Variants in RGS8 observed in about 807,000 individuals in gnomAD.
RGS8 encodes the protein regulator of G protein signaling 8.
Under a neutral mutation model 21.7 loss-of-function variants are expected in RGS8, and 8 were observed. That is an observed-to-expected ratio of 0.37 (90% confidence interval 0.22 to 0.66). RGS8 has a LOEUF of 0.66. RGS8 is among the 30% of genes least tolerant of loss of function. RGS8 has a pLI of 0.59. For missense variants in RGS8, 157 were observed against 217.9 expected, an observed-to-expected ratio of 0.72 and a Z score of 1.76; for synonymous variants, 80 against 83.6, an observed-to-expected ratio of 0.96 and a Z score of 0.24.
chr1:182,665,914 T>C (rs1663834767), intron 5 of RGS8, 55 bp downstream of exon 6: 2 of 1,485,218 alleles, frequency 1.3e-6, no homozygotes, highest in Non-Finnish European at 1.9e-6. Context: ...CTTTGGTACA[T>C]CTCTCACTAA....
At chr1:182,692,480 A>T in the RGS8 span, among the ~76,000 whole-genome samples, 1 of 152,052 alleles carries the variant, frequency 6.6e-6, no homozygotes, top group East Asian at 1.9e-4. Context: ...TAGATGATAC[A>T]AACAAATGGA....
chr1:182,737,388 C>A, the RGS8 span, among the ~76,000 whole-genome samples: 2 of 152,150 alleles, frequency 1.3e-5, no homozygotes, highest in African/African-American at 4.8e-5. Flanking sequence ...TGTGTCCCCA[C>A]CGAAATCTCA....
At position 182,671,810 on chromosome 1, in the gene RGS8, A is replaced by G; in HGVS notation, c.-178+39T>C. ...CATGTGTGCATGAACACATAGGGGC[A>G]CACACACACATATACACACACAGGC... On this transcript the variant is annotated intron_variant, in intron 1 of 6. Transcript: ENST00000483095. 3.2e-6 allele frequency: 5 copies of G among 1,577,414 alleles called. No homozygotes were observed. The South Asian group carries it at 3.4e-5, about 11-fold the overall frequency.
chr1:182,739,323 C>G, the RGS8 span, among the ~76,000 whole-genome samples: 1 of 152,136 alleles, frequency 6.6e-6, no homozygotes, highest in Admixed American at 6.5e-5. Context: ...CTTCGCACAG[C>G]CTGATAAGAC....
chr1:182,646,953 T>C (rs755392996), intron 6 of RGS8, 36 bp from the exon 8 acceptor site: 12 of 1,574,722 alleles, frequency 7.6e-6, no homozygotes, highest in Non-Finnish European at 9.5e-6. Context: ...TCACAGGCCC[T>C]CAAGGGCCAA....
chr1:182,697,872 G>A, the RGS8 span, among the ~76,000 whole-genome samples: 11 of 152,160 alleles, frequency 7.2e-5, no homozygotes, highest in East Asian at 7.7e-4. Flanking sequence ...ACCACTCTTC[G>A]TTGCAAATGC....
At chr1:182,727,780 T>G in the RGS8 span, among the ~76,000 whole-genome samples, 3 of 152,284 alleles carry the variant, frequency 2.0e-5, no homozygotes, top group South Asian at 6.2e-4. Context: ...TCATTATGCA[T>G]ATTAATCTGC....
the RGS8 span, among the ~76,000 whole-genome samples, chr1:182,716,450 A>T: frequency 2.1e-4 from 32 of 151,350 alleles, no homozygotes; most frequent in African/African-American, 5.1e-4. Flanking sequence ...TATTATTTTC[A>T]TTATTGTATT....
At chr1:182,680,554 C>T (rs1287736776) in intron 1 of RGS8, among the ~76,000 whole-genome samples, 1 of 152,116 alleles carries the variant, frequency 6.6e-6, no homozygotes, top group East Asian at 1.9e-4. Context: ...CAGCACCTGG[C>T]ATAGCTAGGT....
exon 7 of RGS8, chr1:182,646,621 C>A (rs192303137): frequency 2.1e-6 from 2 of 971,584 alleles, no homozygotes. Flanking sequence ...CACCCCCAGC[C>A]TCCCACCCCC....
At chr1:182,720,976 C>CACACATATATGTGTGT in the RGS8 span, among the ~76,000 whole-genome samples, 1 of 68,794 alleles carries the variant, frequency 1.5e-5, no homozygotes, top group African/African-American at 6.7e-5. Context: ...TGTATATATA[C>CACACATATATGTGTGT]ATATATACAC....
chr1:182,713,710 T>A, the RGS8 span, among the ~76,000 whole-genome samples: 1 of 152,174 alleles, frequency 6.6e-6, no homozygotes, highest in African/African-American at 2.4e-5. Flanking sequence ...TAGCAATTGT[T>A]TAAATGCTCA....
At chr1:182,672,319 A>G (rs115131184), upstream of RGS8, 4,053 of 179,860 alleles carry the variant, frequency 0.023, 89 homozygotes, top group African/African-American at 0.051. Context: ...AGCCAGGAGG[A>G]GGGGGGCTGT....
the RGS8 span, among the ~76,000 whole-genome samples, chr1:182,745,070 C>A: frequency 1.3e-5 from 2 of 152,224 alleles, no homozygotes; most frequent in Admixed American, 6.5e-5. Flanking sequence ...AAATCCAATT[C>A]TTTGCCACAC....
At chr1:182,669,354 C>T (rs1240907906) in intron 3 of RGS8, among the ~76,000 whole-genome samples, 1 of 152,234 alleles carries the variant, frequency 6.6e-6, no homozygotes, top group Non-Finnish European at 1.5e-5. Context: ...TGCACAGTCC[C>T]TCATCCCACC....
the RGS8 span, among the ~76,000 whole-genome samples, chr1:182,707,192 G>A: frequency 1.3e-5 from 2 of 152,002 alleles, no homozygotes; most frequent in African/African-American, 2.4e-5. Flanking sequence ...ACTAGGTATC[G>A]ATAGGAACAA....
At chr1:182,682,450 G>A (rs755970955) in intron 1 of RGS8, among the ~76,000 whole-genome samples, 2 of 152,132 alleles carry the variant, frequency 1.3e-5, no homozygotes, top group African/African-American at 2.4e-5. Context: ...GAACTTCCTC[G>A]AGTTTTTTTT....
chr1:182,735,822 C>T, the RGS8 span, among the ~76,000 whole-genome samples: 1 of 152,202 alleles, frequency 6.6e-6, no homozygotes, highest in Non-Finnish European at 1.5e-5. Flanking sequence ...TCCTGATCAG[C>T]AGGGTCTTCC....
Position 182,666,323 on chromosome 1 carries a change from A to G in RGS8, c.129-290T>C, listed in dbSNP as rs144945067. Among the ~76,000 whole-genome samples, 217 of 152,314 alleles carry G rather than the reference A, an allele frequency of 1.4e-3. 2 individuals are homozygous for G. The highest frequency in any genetic ancestry group is 2.9e-3 in the Admixed American group (45 of 15,304). ...ATGATTTAAAGGTATCGAGGTAACA[A>G]TGGAAAGAAACTGGTCTTAGAGCCA... On this transcript the variant is annotated intron_variant, in intron 4 of 6. Coordinates refer to ENST00000483095, the Ensembl canonical transcript of RGS8.
Sources: gnomAD v4.1 joint callset for allele counts (sites outside exome capture counted in the v4.1 genomes callset) on GRCh38, gnomAD v4.1.1 for gene constraint, MANE v1.5 for transcripts, NCBI Gene and HGNC (gene_info 2026-07-23, HGNC 2026-07-21) for gene names.